Variants in CERCAM observed in about 807,000 individuals in gnomAD.
CERCAM encodes the protein cerebral endothelial cell adhesion molecule.
A neutral mutation model predicts 66.0 loss-of-function variants in CERCAM; 59 were observed. That is an observed-to-expected ratio of 0.89 (90% CI 0.73 to 1.11). The LOEUF (loss-of-function observed/expected upper bound fraction) is 1.11, where lower values mean the gene tolerates loss of function less well. Among genes scored for constraint, CERCAM ranks in the 50% most tolerant of loss-of-function variants. CERCAM has a pLI of 0.00. For missense variants in CERCAM, 840 were observed against 828.3 expected (o/e 1.01, Z -0.17); for synonymous variants, 318 against 343.6 (o/e 0.93, Z 0.83).
rs894892829 is a variant in CERCAM, at chr9:128,421,034, C to G, written c.157C>G (p.Leu53Val). Residue 53 changes from leucine to valine, a missense_variant, in exon 1 of 13, where the codon CTG (leucine) becomes GTG (valine). By Grantham distance (32) the Leu-to-Val change is conservative. Coordinates refer to ENST00000372838, the MANE Select transcript of CERCAM (RefSeq NM_016174.5). ...CTCGCTGCCCCACTACCTGGGCGCT[C>G]TGGAGCGGCTGGACTACCCCCGGGC... ...EHSLPHYLGA[L>V]ERLDYPRARM... The G allele has an allele frequency of 6.4e-6, 9 of 1,412,652 alleles. No individual in the cohort carries two copies. The highest frequency in any genetic ancestry group is 7.4e-6 in the Non-Finnish European group (8 of 1,081,708). 87.5% of individuals were successfully genotyped at this position (1,412,652 alleles called of 1,614,324 possible).
At chr9:128,424,949 C>T (rs894498797) in intron 5 of CERCAM, among the ~76,000 whole-genome samples, 3 of 151,630 alleles carry the variant, frequency 2.0e-5, no homozygotes, top group African/African-American at 7.3e-5. Flanking sequence ...CTCAAAACTC[C>T]TGAGCTCAGG....
chr9:128,428,966 C>G lies in CERCAM; in HGVS notation c.1000C>G (p.Arg334Gly), dbSNP rs760737375. ...VISLARRPDR[R>G]ERMLASLWEM... is the part of the protein sequence containing the mutation. ...CAGCCTGGCTCGCAGGCCTGACCGT[C>G]GGGAACGCATGCTCGCCTCGCTCTG... The change falls in exon 8 of 13, where the codon CGG (arginine) becomes GGG (glycine). Residue 334 changes from arginine to glycine, a missense_variant. Coordinates refer to ENST00000372838, the MANE Select transcript of CERCAM (RefSeq NM_016174.5). The G allele has an allele frequency of 4.3e-6, 7 of 1,611,226 alleles. No individual in the cohort carries two copies. The African/African-American group carries it at 5.3e-5, about 12-fold the overall frequency.
At chr9:128,432,690 C>T (rs1341552697) in intron 9 of CERCAM, among the ~76,000 whole-genome samples, 4 of 152,184 alleles carry the variant, frequency 2.6e-5, no homozygotes, top group African/African-American at 4.8e-5. Flanking sequence ...CCTGGCTTCA[C>T]TACTTTCTGA....
chr9:128,431,359 T>C lies in CERCAM; in HGVS notation c.1203+56T>C, dbSNP rs1833972329. 24 of 1,604,848 alleles carry C rather than the reference T, an allele frequency of 1.5e-5. No homozygotes were observed. In the South Asian group the frequency reaches 2.4e-4, roughly 16 times the overall value. On this transcript the variant is annotated intron_variant, in intron 9 of 12. Transcript: ENST00000372838. ...CTTCGGGGAGAACGGGGCCAGTTTG[T>C]TCTATTCACTGCTCTGTGAACGAGT...
chr9:128,430,951 G>A, intron 8 of CERCAM: 1 of 477,342 alleles, frequency 2.1e-6, no homozygotes, highest in Non-Finnish European at 3.7e-6. Context: ...AGAGGTTTCA[G>A]TGAGCTGAGA....
chr9:128,420,986 A>G lies in CERCAM; in HGVS notation c.109A>G (p.Ile37Val), dbSNP rs930229924. 219 of 1,468,020 alleles carry G rather than the reference A, an allele frequency of 1.5e-4. No homozygotes were observed. Among genetic ancestry groups the G allele is most frequent in the Non-Finnish European group, 1.9e-4 (214 of 1,111,336 alleles). 90.9% of individuals were successfully genotyped at this position (1,468,020 alleles called of 1,614,324 possible). A position where few individuals can be genotyped will look rare whatever the true frequency, so the allele number is the denominator to read the frequency against. The change falls in exon 1 of 13, where the codon ATC becomes GTC. Residue 37 changes from isoleucine (I) to valine (V), a missense_variant. Transcript: ENST00000372838. This position sits in a 1 kb window ranked among gnomAD's most constrained non-coding sequence, Gnocchi z 5.0. ...GCCGCTGCCCGCCGTGGTCCTTGCC[A>G]TCCTGGCCCGCAATGCCGAACACTC... ...ESPLPAVVLA[I>V]LARNAEHSLP... is the part of the protein sequence containing the mutation.
At position 128,431,218 on chromosome 9, in the gene CERCAM, C is replaced by G. The variant is rs757226523; in HGVS notation, c.1118C>G (p.Pro373Arg). 6.2e-7 allele frequency: 1 copy of G among 1,614,028 alleles called. No individual in the cohort carries two copies. Among genetic ancestry groups the G allele is most frequent in the Non-Finnish European group, 8.5e-7 (1 of 1,180,008 alleles). The change falls in exon 9 of 13, where the codon CCG becomes CGG. Residue 373 changes from proline to arginine, a missense_variant. Physicochemically the swap from Pro to Arg is moderately radical, Grantham distance 103. Coordinates refer to ENST00000372838, the MANE Select transcript of CERCAM (RefSeq NM_016174.5). ...AIRNLGVDLL[P>R]GYQDPYSGRT... ...AGGAACCTCGGCGTAGACCTGCTCC[C>G]GGGCTACCAGGACCCTTACTCGGGC...
chr9:128,429,177 T>C (rs1211452839), intron 8 of CERCAM, 141 bp downstream of exon 8: 1 of 632,582 alleles, frequency 1.6e-6, no homozygotes, highest in Non-Finnish European at 2.7e-6. Flanking sequence ...CTGAGTAATA[T>C]CCTCTCAGGG....
At chr9:128,427,339 C>G (rs1833868507) in intron 5 of CERCAM, among the ~76,000 whole-genome samples, 1 of 152,096 alleles carries the variant, frequency 6.6e-6, no homozygotes, top group Admixed American at 6.5e-5. Flanking sequence ...TCTTGAACTC[C>G]TGACCTCAAA....
At chr9:128,435,351 C>A (rs1057172767) in intron 11 of CERCAM, among the ~76,000 whole-genome samples, 30 of 152,086 alleles carry the variant, frequency 2.0e-4, no homozygotes, top group African/African-American at 7.2e-4. Flanking sequence ...TCAGGCTAGT[C>A]TTGAACTCCC....
rs200796229 is a variant in CERCAM, at chr9:128,428,860, T to G, written c.963+27T>G. The G allele has an allele frequency of 6.5e-4, 1,053 of 1,612,310 alleles. 10 individuals carry two copies. In the South Asian group the frequency reaches 8.4e-3, roughly 13 times the overall value. On this transcript the variant is annotated intron_variant, in intron 7 of 12. Transcript: ENST00000372838. ...TAAGTCCCCCAGCCTGTGGGCTCGC[T>G]GTTAGGAGGTGGATGGGCCCTCCTC...
upstream of CERCAM, chr9:128,420,221 A>C (rs1261414515): frequency 6.6e-6 from 1 of 152,304 alleles, no homozygotes; most frequent in Non-Finnish European, 1.5e-5. The surrounding 1 kb of genome is among the most constrained non-coding windows in gnomAD (Gnocchi z 5.0). Context: ...GACCGACGCA[A>C]GGAGGTGACG....
chr9:128,432,824 C>T (rs1036524073), intron 9 of CERCAM, among the ~76,000 whole-genome samples: 5 of 151,704 alleles, frequency 3.3e-5, no homozygotes, highest in African/African-American at 1.2e-4. Context: ...TCTTCCCACC[C>T]CCCACCCAGC....
intron 1 of CERCAM, chr9:128,422,462 G>A (rs770860763): frequency 2.1e-4 from 36 of 174,760 alleles, no homozygotes; most frequent in Non-Finnish European, 4.2e-4. Context: ...CAGGTACTCA[G>A]GAGGCTGAGG....
At chr9:128,435,943 C>A in intron 12 of CERCAM, 38 bp downstream of exon 12, 1 of 1,553,806 alleles carries the variant, frequency 6.4e-7, no homozygotes, top group African/African-American at 1.4e-5. Context: ...GCCCCGTAGA[C>A]CTTGGCTTGC....
chr9:128,436,040 A>G (rs771949227), intron 12 of CERCAM, 135 bp downstream of exon 12: 19 of 1,055,664 alleles, frequency 1.8e-5, no homozygotes, highest in Non-Finnish European at 2.4e-5. Flanking sequence ...CTTTGCCTTT[A>G]TGTTTGTTGT....
intron 3 of CERCAM, among the ~76,000 whole-genome samples, chr9:128,423,833 A>C (rs1833772284): frequency 6.6e-6 from 1 of 152,140 alleles, no homozygotes; most frequent in Non-Finnish European, 1.5e-5. Context: ...CCCAGGGTAT[A>C]AATTGAGCCT....
chr9:128,424,806 T>C (rs1833803300), intron 5 of CERCAM, among the ~76,000 whole-genome samples, 192 bp downstream of exon 5: 1 of 150,478 alleles, frequency 6.6e-6, no homozygotes, highest in South Asian at 2.1e-4. Flanking sequence ...CACTGCAAAC[T>C]CTGCCTCCCG....
Position 128,422,962 on chromosome 9 carries a change from C to T in CERCAM, c.292C>T (p.Pro98Ser), listed in dbSNP as rs750065791. ...TGACTATGCTGCTGTGGTCTGGAGG[C>T]CTGAGGGCGAGCCCAGGTGGTGATC... ...GDDYAAVVWR[P>S]EGEPRFYPDE... Residue 98 changes from proline to serine, a missense_variant, in exon 2 of 13, where the codon CCT becomes TCT. Transcript: ENST00000372838. 1.4e-5 allele frequency: 22 copies of T among 1,613,662 alleles called. No homozygotes were observed. Among genetic ancestry groups the T allele is most frequent in the Non-Finnish European group, 1.8e-5 (21 of 1,179,986 alleles).
Sources: gnomAD v4.1 joint callset for allele counts (sites outside exome capture counted in the v4.1 genomes callset) on GRCh38, gnomAD v4.1.1 for gene constraint, Gnocchi (gnomAD v3.1) non-coding constraint, MANE v1.5 for transcripts, NCBI Gene and HGNC (gene_info 2026-07-23, HGNC 2026-07-21) for gene names.